CPQ: variants seen among roughly 807,000 people sequenced by gnomAD.
CPQ encodes Ser-Met dipeptidase.
A neutral mutation model predicts 45.7 loss-of-function variants in CPQ; 37 were observed. That is an observed-to-expected ratio of 0.81 (90% CI 0.62 to 1.07). The LOEUF (loss-of-function observed/expected upper bound fraction) is 1.07, where lower values mean the gene tolerates loss of function less well. Among genes scored for constraint, CPQ ranks in the 50% least tolerant of loss-of-function variants. The probability of loss-of-function intolerance (pLI) is 0.00; values close to 1 mark genes in which losing one functional copy is unlikely to be tolerated. For missense variants in CPQ, 537 were observed against 572.9 expected (o/e 0.94, Z 0.64); for synonymous variants, 186 against 205.8 (o/e 0.90, Z 0.82).
At chr8:96,987,116 T>C (rs1442344448) in intron 5 of CPQ, among the ~76,000 whole-genome samples, 4 of 152,120 alleles carry the variant, frequency 2.6e-5, no homozygotes, top group African/African-American at 9.7e-5. Context: ...GCATTTTATG[T>C]TGCATCTACT....
At chr8:96,922,063 A>G (rs1226410515) in intron 4 of CPQ, among the ~76,000 whole-genome samples, 1 of 152,224 alleles carries the variant, frequency 6.6e-6, no homozygotes, top group Non-Finnish European at 1.5e-5. Context: ...CCGTAAGAGT[A>G]GCAATAATTT....
intron 7 of CPQ, among the ~76,000 whole-genome samples, chr8:97,079,886 G>C (rs1810915945): frequency 6.6e-6 from 1 of 152,142 alleles, no homozygotes; most frequent in Non-Finnish European, 1.5e-5. Flanking sequence ...GTTAATATAG[G>C]GAAATAGAAA....
At chr8:97,058,866 T>C (rs1450276647) in intron 6 of CPQ, among the ~76,000 whole-genome samples, 2 of 152,320 alleles carry the variant, frequency 1.3e-5, no homozygotes, top group African/African-American at 4.8e-5. Context: ...GATATCAATT[T>C]GCTATGTAAG....
Position 97,113,952 on chromosome 8 carries a change from A to G in CPQ, c.1256-29068A>G, listed in dbSNP as rs372410743. Among the ~76,000 whole-genome samples, 42 of 152,326 alleles carry G rather than the reference A, an allele frequency of 2.8e-4. 2 individuals are homozygous for G. The highest frequency in any genetic ancestry group is 2.1e-3 in the Admixed American group (32 of 15,296). ...CAGCAGAGTGTCCATCACGAAGGCC[A>G]TGTGTGCACAGCCAAGAAAACTCTT... On this transcript the variant is annotated intron_variant, in intron 7 of 7. Coordinates refer to ENST00000220763, the MANE Select transcript of CPQ (RefSeq NM_016134.4).
intron 4 of CPQ, among the ~76,000 whole-genome samples, chr8:96,965,514 C>T (rs1293009104): frequency 6.6e-6 from 1 of 151,818 alleles, no homozygotes; most frequent in Admixed American, 6.6e-5. Context: ...GGACTACAGG[C>T]GCCTGCCACC....
intron 1 of CPQ, among the ~76,000 whole-genome samples, chr8:96,679,000 C>T (rs1809112872): frequency 6.6e-6 from 1 of 151,922 alleles, no homozygotes; most frequent in Non-Finnish European, 1.5e-5. Context: ...TCCTGAATTG[C>T]TTCTCCTATG....
Position 96,879,865 on chromosome 8 carries a change from G to C in CPQ, c.709G>C (p.Glu237Gln), listed in dbSNP as rs578138575. Residue 237 changes from glutamate (E) to glutamine (Q), a missense_variant, in exon 4 of 8, where the codon GAA becomes CAA. By Grantham distance (29) the Glu-to-Gln change is conservative (BLOSUM62 2). Coordinates refer to ENST00000220763, the MANE Select transcript of CPQ (RefSeq NM_016134.4). ...PKIPTACITV[E>Q]DAEMMSRMAS... ...GATTCCAACAGCCTGTATTACGGTG[G>C]AAGATGCAGAAATGATGTCAAGAAT... 1 of 1,614,066 alleles carries C rather than the reference G, an allele frequency of 6.2e-7. No homozygotes were observed. Among genetic ancestry groups the C allele is most frequent in the South Asian group, 1.1e-5 (1 of 91,080 alleles).
chr8:96,730,892 T>TATATATATATATATAA (rs1809905054), intron 1 of CPQ, among the ~76,000 whole-genome samples: 2 of 116,642 alleles, frequency 1.7e-5, no homozygotes, highest in East Asian at 5.3e-4. Context: ...TATATATATA[T>TATATATATATATATAA]GCATTTTTTT....
At chr8:97,002,916 G>C (rs557647272) in intron 5 of CPQ, among the ~76,000 whole-genome samples, 7 of 152,240 alleles carry the variant, frequency 4.6e-5, no homozygotes. Flanking sequence ...AGTTCTCTAG[G>C]AACTTGCTTT....
chr8:96,717,650 T>G lies in CPQ; in HGVS notation c.-34-67214T>G, dbSNP rs199567110. Among the ~76,000 whole-genome samples the G allele has an allele frequency of 5.9e-5, 9 of 152,212 alleles. No homozygotes were observed. The East Asian group carries it at 1.7e-3, about 29-fold the overall frequency. On this transcript the variant is annotated intron_variant, in intron 1 of 7. Coordinates refer to ENST00000220763, the MANE Select transcript of CPQ (RefSeq NM_016134.4). The stretch of plus-strand genomic sequence containing the variant: ...GCTTTATGTTACCCAGGGGAGGTAC[T>G]CAGACAATGGATTGGGACATAGAGC...
At chr8:96,970,815 G>A (rs1243698574) in intron 5 of CPQ, among the ~76,000 whole-genome samples, 2 of 152,008 alleles carry the variant, frequency 1.3e-5, no homozygotes, top group Non-Finnish European at 1.5e-5. Context: ...CGCCCGCCTC[G>A]GCCTCCCAAA....
chr8:96,862,606 T>C (rs1811940636), intron 3 of CPQ, among the ~76,000 whole-genome samples: 1 of 152,032 alleles, frequency 6.6e-6, no homozygotes, highest in Non-Finnish European at 1.5e-5. Flanking sequence ...GCAGTGCTGA[T>C]TCTAGATATA....
chr8:96,715,340 G>A (rs888556859), intron 1 of CPQ, among the ~76,000 whole-genome samples: 1 of 152,142 alleles, frequency 6.6e-6, no homozygotes, highest in African/African-American at 2.4e-5. Context: ...TCATACTCCT[G>A]ACCCAGTGTT....
intron 5 of CPQ, among the ~76,000 whole-genome samples, chr8:96,970,354 A>C (rs1813644685): frequency 1.3e-5 from 2 of 152,166 alleles, no homozygotes; most frequent in Admixed American, 1.3e-4. Context: ...CATTGACTGA[A>C]GATTACTATT....
intron 1 of CPQ, among the ~76,000 whole-genome samples, chr8:96,659,669 G>A (rs2514767): frequency 0.64 from 96,840 of 151,984 alleles, 31,108 homozygotes; most frequent in Non-Finnish European, 0.68. Flanking sequence ...TTTCTATTTA[G>A]GTTAGTGGCA....
Position 96,977,340 on chromosome 8 carries a change from T to C in CPQ, c.961+11294T>C, listed in dbSNP as rs1295694036. 1.2e-4 allele frequency among the ~76,000 whole-genome samples: 16 copies of C among 135,258 alleles called. No homozygotes were observed. In the East Asian group the frequency reaches 3.5e-3, roughly 30 times the overall value. 88.7% of individuals were successfully genotyped at this position (135,258 alleles called of 152,430 possible). A position where few individuals can be genotyped will look rare whatever the true frequency, so the allele number is the denominator to read the frequency against. ...ATCCGTAATCAAAAAAAAAAAAAAA[T>C]AGATGTTGGCAGGGATGCAGTAAAA... On this transcript the variant is annotated intron_variant, in intron 5 of 7. Transcript: ENST00000220763.
intron 1 of CPQ, among the ~76,000 whole-genome samples, chr8:96,743,863 C>G (rs1298583440): frequency 6.6e-6 from 1 of 152,234 alleles, no homozygotes; most frequent in East Asian, 1.9e-4. Flanking sequence ...GCTGGGAGAA[C>G]CACTGCTCTC....
chr8:96,803,105 A>G (rs1477589324), intron 2 of CPQ, among the ~76,000 whole-genome samples: 3 of 152,134 alleles, frequency 2.0e-5, no homozygotes, highest in Non-Finnish European at 4.4e-5. Context: ...AGTTTGAAGG[A>G]CTGAGAGCTG....
chr8:96,720,285 C>A (rs1809745540), intron 1 of CPQ, among the ~76,000 whole-genome samples: 1 of 151,886 alleles, frequency 6.6e-6, no homozygotes, highest in South Asian at 2.1e-4. Context: ...TTAAAAAAAA[C>A]TGTGGATCAC....
Sources: allele counts gnomAD v4.1 joint callset (sites outside exome capture counted in the v4.1 genomes callset), GRCh38; gene constraint gnomAD v4.1.1; transcripts MANE v1.5; gene names NCBI Gene and HGNC (gene_info 2026-07-23, HGNC 2026-07-21).